LRRC41: variants seen among roughly 807,000 people sequenced by gnomAD.
The protein encoded by LRRC41 is leucine-rich repeat-containing protein 41.
In LRRC41, 17 loss-of-function variants were observed where a neutral mutation model predicts 72.1. That is an observed-to-expected ratio of 0.24 (90% CI 0.16 to 0.35). The LOEUF (loss-of-function observed/expected upper bound fraction) is 0.35, where lower values mean the gene tolerates loss of function less well. Among genes scored for constraint, LRRC41 ranks in the 10% least tolerant of loss-of-function variants. The pLI is 1.00. For missense variants in LRRC41, 759 were observed against 1,065.0 expected, an observed-to-expected ratio of 0.71 and a Z score of 4.00; for synonymous variants, 427 against 431.0, an observed-to-expected ratio of 0.99 and a Z score of 0.11.
chr1:46,287,942 GC>G (rs1660920047), intron 3 of LRRC41, among the ~76,000 whole-genome samples: 1 of 152,182 alleles, frequency 6.6e-6, no homozygotes, highest in South Asian at 2.1e-4. Context: ...AGACTATTCT[GC>G]ACTTGATCTT....
chr1:46,300,315 G>A (rs1289650943), intron 1 of LRRC41: 1 of 152,164 alleles, frequency 6.6e-6, no homozygotes, highest in East Asian at 1.9e-4. Context: ...CTGGGTGACA[G>A]AGTGAGACCC....
rs534526037 is a variant in LRRC41 at position 46,303,258 on chromosome 1, G to A, written c.65C>T (p.Thr22Ile). The A allele has an allele frequency of 1.2e-5, 19 of 1,547,740 alleles. No individual in the cohort carries two copies. The highest frequency in any genetic ancestry group is 2.0e-5 in the Admixed American group (1 of 51,236). Residue 22 changes from threonine (T) to isoleucine (I), a missense_variant, in exon 1 of 10, where the codon ACC becomes ATC. Transcript: ENST00000617190. The stretch of plus-strand genomic sequence containing the variant: ...CGCCTCCCGGGACGTGGCCTCCATG[G>A]TCGTTGCCGCCGCTACCTCACAGAA... ...CWFCEVAAAT[T>I]MEATSREAAP...
chr1:46,284,573 AT>A (rs1660846265), intron 4 of LRRC41: 1 of 152,170 alleles, frequency 6.6e-6, no homozygotes, highest in African/African-American at 2.4e-5. Context: ...AGGTGGGAGA[AT>A]TAGCCTTAGA....
In LRRC41 at chr1:46,285,464, A is replaced by G. The variant is rs1249951486; in HGVS notation, c.1393T>C (p.Leu465=). ...ASQRFRSIST[L]ELFTVPLSTE... ...GAGAGTGGAACTGTGAATAGCTCCAAGGTGGAGATGCTGCGGAATCTTTGT... is the reference window on the plus strand; with the variant it reads ...GAGAGTGGAACTGTGAATAGCTCCAGGGTGGAGATGCTGCGGAATCTTTGT... The change falls in exon 4 of 10, where the codon TTG becomes CTG. Residue 465 remains leucine (L), a synonymous_variant. Coordinates refer to ENST00000617190, the MANE Select transcript of LRRC41 (RefSeq NM_006369.5). The surrounding 1 kb of genome is among the most constrained non-coding windows in gnomAD (Gnocchi z 5.3). 1 of 1,614,170 alleles carries G rather than the reference A, an allele frequency of 6.2e-7. No homozygotes were observed. The highest frequency in any genetic ancestry group is 1.7e-5 in the Admixed American group (1 of 60,026).
In LRRC41 at chr1:46,297,457, C is replaced by T. The variant is rs569214554; in HGVS notation, c.357+106G>A. The T allele has an allele frequency of 6.2e-5, 54 of 869,898 alleles. No individual in the cohort carries two copies. The Admixed American group carries it at 1.1e-3, about 18-fold the overall frequency. The allele number at this position is 869,898 out of a possible 1,614,324, so 53.9% of individuals were successfully genotyped here. On this transcript the variant is annotated intron_variant, in intron 3 of 9. Transcript: ENST00000617190. The stretch of plus-strand genomic sequence containing the variant: ...TCAGAGCCCTCCTCCCAAATCCATT[C>T]CATCATTGCCTCTGCACTTTATCAG...
intron 3 of LRRC41, among the ~76,000 whole-genome samples, chr1:46,295,155 G>A (rs1661097477): frequency 6.6e-6 from 1 of 152,014 alleles, no homozygotes; most frequent in African/African-American, 2.4e-5. Flanking sequence ...GACTTCCCAG[G>A]CTCAGGTGAT....
At chr1:46,293,573 T>A (rs1302133218) in intron 3 of LRRC41, among the ~76,000 whole-genome samples, 1 of 152,068 alleles carries the variant, frequency 6.6e-6, no homozygotes, top group Non-Finnish European at 1.5e-5. Flanking sequence ...TTTTGTTTAT[T>A]GGTTTTATTA....
intron 3 of LRRC41, among the ~76,000 whole-genome samples, chr1:46,287,118 A>AT (rs914353653): frequency 7.8e-5 from 11 of 141,738 alleles, no homozygotes; most frequent in East Asian, 2.1e-4. Flanking sequence ...TCCCAACTTC[A>AT]TTTTTTTTTA....
At chr1:46,296,224 G>A (rs1176622144) in intron 3 of LRRC41, among the ~76,000 whole-genome samples, 1 of 152,178 alleles carries the variant, frequency 6.6e-6, no homozygotes, top group African/African-American at 2.4e-5. Flanking sequence ...AGACCAGCCT[G>A]ACCAACATGG....
chr1:46,288,456 C>G (rs778652862), intron 3 of LRRC41, among the ~76,000 whole-genome samples: 6 of 152,196 alleles, frequency 3.9e-5, no homozygotes, highest in Non-Finnish European at 7.3e-5. Context: ...GTTACTGCTG[C>G]CACTGCTATT....
In LRRC41 at chr1:46,286,986, T is replaced by G. The variant is rs1246955991; in HGVS notation, c.358-487A>C. The stretch of plus-strand genomic sequence containing the variant: ...GGCGCCCGCCACCACACCTGGCTAA[T>G]TTTTGTATGTTTCATCATATTGACC... On this transcript the variant is annotated intron_variant, in intron 3 of 9. Coordinates refer to ENST00000617190, the MANE Select transcript of LRRC41 (RefSeq NM_006369.5). This position sits in a 1 kb window ranked among gnomAD's most constrained non-coding sequence, Gnocchi z 5.5. Among the ~76,000 whole-genome samples, 1 of 151,616 alleles carries G rather than the reference T, an allele frequency of 6.6e-6. No individual in the cohort carries two copies. The highest frequency in any genetic ancestry group is 1.9e-4 in the East Asian group (1 of 5,154).
intron 3 of LRRC41, among the ~76,000 whole-genome samples, chr1:46,290,971 C>T (rs1251232532): frequency 7.5e-6 from 1 of 132,558 alleles, no homozygotes; most frequent in Non-Finnish European, 1.5e-5. Context: ...GTTGCCCAGG[C>T]TGGAGTACAG....
At position 46,302,145 on chromosome 1, in the gene LRRC41, C is replaced by A. The variant is rs1369644980; in HGVS notation, c.199+979G>T. The A allele has an allele frequency of 1.2e-5, 12 of 985,354 alleles. No homozygotes were observed. Among genetic ancestry groups the A allele is most frequent in the Non-Finnish European group, 1.4e-5 (12 of 829,882 alleles). The allele number at this position is 985,354 out of a possible 1,614,324, so 61.0% of individuals were successfully genotyped here. A position where few individuals can be genotyped will look rare whatever the true frequency, so the allele number is the denominator to read the frequency against. On this transcript the variant is annotated intron_variant, in intron 1 of 9. Transcript: ENST00000617190. The surrounding 1 kb of genome is among the most constrained non-coding windows in gnomAD (Gnocchi z 4.7). ...CCCCAGGCCGCCCTCCATCCAGGCC[C>A]GGCCCTTTGGTCCCGGCCGCCTTCA... is the stretch of plus-strand genomic sequence containing the variant.
intron 1 of LRRC41, chr1:46,299,990 C>T (rs1426418786): frequency 6.6e-6 from 1 of 152,158 alleles, no homozygotes; most frequent in Non-Finnish European, 1.5e-5. Context: ...CCATAATAAG[C>T]TCGCTAAATG....
chr1:46,279,698 G>GTAT lies in LRRC41; in HGVS notation c.2021-87_2021-85dup. The GTAT allele has an allele frequency of 2.0e-6, 3 of 1,537,968 alleles. No individual in the cohort carries two copies. Among genetic ancestry groups the GTAT allele is most frequent in the Non-Finnish European group, 2.7e-6 (3 of 1,121,586 alleles). On this transcript the variant is annotated intron_variant, in intron 7 of 9. Coordinates refer to ENST00000617190, the MANE Select transcript of LRRC41 (RefSeq NM_006369.5). The surrounding 1 kb of genome is among the most constrained non-coding windows in gnomAD (Gnocchi z 4.5). ...CTGCCCCAGTTGGCCCTAGCAAGGG[G>GTAT]TATTAACATTATAGAGGCCCAAAAA...
rs758168525 is a variant in LRRC41, at chr1:46,277,873, C to G, written c.*992G>C. 1 of 1,613,598 alleles carries G rather than the reference C, an allele frequency of 6.2e-7. No individual in the cohort carries two copies. The highest frequency in any genetic ancestry group is 8.5e-7 in the Non-Finnish European group (1 of 1,179,740). ...GTCAGAGCCACAAGAAGGCACTGAG[C>G]AGCTGTGTGGTGGATGAGGAGCAGG... On this transcript the variant is annotated 3_prime_UTR_variant, in exon 10 of 10. Transcript: ENST00000617190.
Position 46,277,642 on chromosome 1 carries a change from A to T in LRRC41, c.*1223T>A. Reference sequence around the variant, plus strand: ...ACTATTCATGTCATGTTCTCAGGAGACAGACTGGGAAAATGGACCTCAGCT... The same window carrying T: ...ACTATTCATGTCATGTTCTCAGGAGTCAGACTGGGAAAATGGACCTCAGCT... On this transcript the variant is annotated 3_prime_UTR_variant, in exon 10 of 10. Coordinates refer to ENST00000617190, the MANE Select transcript of LRRC41 (RefSeq NM_006369.5). 1.4e-6 allele frequency: 1 copy of T among 726,362 alleles called. No individual in the cohort carries two copies. Among genetic ancestry groups the T allele is most frequent in the Non-Finnish European group, 2.3e-6 (1 of 434,210 alleles). The allele number at this position is 726,362 out of a possible 1,614,324, so 45.0% of individuals were successfully genotyped here.
intron 3 of LRRC41, 88 bp downstream of exon 3, chr1:46,297,475 T>A: frequency 9.3e-7 from 1 of 1,076,040 alleles, no homozygotes; most frequent in Non-Finnish European, 1.4e-6. Context: ...GCCTCTGCAC[T>A]TTATCAGTAC....
rs1557720532 is a variant in LRRC41, at chr1:46,302,061, A to C, written c.199+1063T>G. On this transcript the variant is annotated intron_variant, in intron 1 of 9. Coordinates refer to ENST00000617190, the MANE Select transcript of LRRC41 (RefSeq NM_006369.5). The surrounding 1 kb of genome is among the most constrained non-coding windows in gnomAD (Gnocchi z 4.7). The stretch of plus-strand genomic sequence containing the variant: ...GGCCGCGGCCAGCGGTCCCCAACCC[A>C]CAGCCCCGCCTCCCAGCCCAACTGG... The C allele has an allele frequency of 2.0e-6, 2 of 984,554 alleles. No individual in the cohort carries two copies. Among genetic ancestry groups the C allele is most frequent in the East Asian group, 1.1e-4 (1 of 8,740 alleles). 61.0% of individuals were successfully genotyped at this position (984,554 alleles called of 1,614,324 possible).
Sources: allele counts gnomAD v4.1 joint callset (sites outside exome capture counted in the v4.1 genomes callset), GRCh38; gene constraint gnomAD v4.1.1; non-coding constraint Gnocchi (gnomAD v3.1); transcripts MANE v1.5; gene names NCBI Gene and HGNC (gene_info 2026-07-23, HGNC 2026-07-21).